Variants in SZT2 observed in about 807,000 individuals in gnomAD.
SZT2 encodes the protein KICSTOR complex protein SZT2.
In SZT2, 216 loss-of-function variants were observed where a neutral mutation model predicts 404.2. The ratio of observed to expected loss-of-function variants is 0.53; its 90% CI spans 0.48 to 0.60. SZT2 has a LOEUF of 0.60. Ranked by LOEUF, SZT2 falls within the 20% of genes least tolerant of loss-of-function variation. SZT2 has a pLI of 0.00. For synonymous variants in SZT2, 1,693 were observed against 1,749.9 expected (o/e 0.97, Z 0.81); for missense variants, 3,857 against 4,459.2 (o/e 0.86, Z 3.85).
chr1:43,430,507 G>T lies in SZT2; in HGVS notation c.4492G>T (p.Ala1498Ser). Residue 1498 changes from alanine (A) to serine (S), a missense_variant, in exon 32 of 72, where the codon GCC (alanine) becomes TCC (serine). Physicochemically the swap from Ala to Ser is moderately conservative, Grantham distance 99. Coordinates refer to ENST00000634258, the MANE Select transcript of SZT2 (RefSeq NM_001365999.1). ...ELMGEEGDTS[A>S]CCVVTESDPE... ...ACATGCACTACTAGGAGACACATCT[G>T]CCTGCTGTGTGGTCACTGAGAGTGA... 1 of 1,614,118 alleles carries T rather than the reference G, an allele frequency of 6.2e-7. No individual in the cohort carries two copies. Among genetic ancestry groups the T allele is most frequent in the East Asian group, 2.2e-5 (1 of 44,880 alleles).
At chr1:43,414,224 G>A (rs1651423982) in intron 4 of SZT2, among the ~76,000 whole-genome samples, 1 of 151,968 alleles carries the variant, frequency 6.6e-6, no homozygotes, top group Non-Finnish European at 1.5e-5. Context: ...AGGTTGCAGT[G>A]AGCCAAGATC....
At chr1:43,444,632 G>T (rs1655461024) in intron 62 of SZT2, among the ~76,000 whole-genome samples, 1 of 152,122 alleles carries the variant, frequency 6.6e-6, no homozygotes, top group South Asian at 2.1e-4. Flanking sequence ...GAAGTAGGCA[G>T]CCCGTCTGTT....
chr1:43,453,677 C>T lies in SZT2; in HGVS notation c.*3197C>T, dbSNP rs1264052648. The T allele has an allele frequency of 2.0e-6, 3 of 1,469,818 alleles. No individual in the cohort carries two copies. The highest frequency in any genetic ancestry group is 2.9e-5 in the East Asian group (1 of 34,274). The allele number at this position is 1,469,818 out of a possible 1,614,324, so 91.0% of individuals were successfully genotyped here. ...GCGCCTCAGGCGTCTCCGCGTACGG[C>T]CAGGCCACCTCGACGGCCTCGAAGC... On this transcript the variant is annotated 3_prime_UTR_variant, in exon 72 of 72. Transcript: ENST00000634258.
rs902575972 is a variant in SZT2 at position 43,424,405 on chromosome 1, T to C, written c.2444T>C (p.Ile815Thr). ...GLAPALPLSAIAQLLSILTEV... is the reference protein window; with the variant it reads ...GLAPALPLSATAQLLSILTEV... ...GCCCCTGCGCTGCCTCTCAGTGCCA[T>C]TGCCCAGCTCCTCTCCATCCTCACT... is the stretch of plus-strand genomic sequence containing the variant. The change falls in exon 16 of 72, where the codon ATT becomes ACT. Residue 815 changes from isoleucine (I) to threonine (T), a missense_variant. Transcript: ENST00000634258. The surrounding 1 kb of genome is among the most constrained non-coding windows in gnomAD (Gnocchi z 4.1). 1.9e-6 allele frequency: 3 copies of C among 1,597,826 alleles called. No homozygotes were observed. Among genetic ancestry groups the C allele is most frequent in the Non-Finnish European group, 2.5e-6 (3 of 1,179,580 alleles).
At position 43,424,292 on chromosome 1, in the gene SZT2, G is replaced by T. The variant is rs1373369270; in HGVS notation, c.2331G>T (p.Val777=). The change falls in exon 16 of 72, where the codon GTG becomes GTT. Residue 777 remains valine (V), a synonymous_variant. Coordinates refer to ENST00000634258, the MANE Select transcript of SZT2 (RefSeq NM_001365999.1). This position sits in a 1 kb window ranked among gnomAD's most constrained non-coding sequence, Gnocchi z 4.1. ...AGCCACCAGGTCCACTGCCCTTGGT[G>T]TCAGGCCGCTCAGCCTCTTCTAGCC... ...TLEPPGPLPL[V]SGRSASSSLA... 1 of 1,598,018 alleles carries T rather than the reference G, an allele frequency of 6.3e-7. No homozygotes were observed. The highest frequency in any genetic ancestry group is 1.1e-5 in the South Asian group (1 of 91,084).
intron 40 of SZT2, 126 bp from the exon 41 acceptor site, chr1:43,434,260 C>A: frequency 1.3e-6 from 1 of 777,724 alleles, no homozygotes. Context: ...TTTCTCTTGG[C>A]CCCACCTCCA....
At chr1:43,419,494 C>A (rs994561220) in intron 7 of SZT2, among the ~76,000 whole-genome samples, 1 of 152,104 alleles carries the variant, frequency 6.6e-6, no homozygotes, top group Non-Finnish European at 1.5e-5. Flanking sequence ...AGGTGGTGGG[C>A]CTTTAGGTAT....
chr1:43,403,199 TC>T lies in SZT2; in HGVS notation c.52del (p.Leu18CysfsTer2), dbSNP rs1225154176. On this transcript the variant is annotated frameshift_variant, in exon 2 of 72. Transcript: ENST00000634258. LOFTEE classifies it high-confidence loss of function. The part of the protein sequence containing the change: ...EPEVEEAGQV[F>X]LLMKKDYRIS... ...CAGGTGGAAGAAGCTGGGCAGGTGTTCCTGTTAATGAAAAAGGATTATCGAA... is the reference window on the plus strand; with the variant it reads ...CAGGTGGAAGAAGCTGGGCAGGTGTTCTGTTAATGAAAAAGGATTATCGAA... 1 of 1,614,072 alleles carries T rather than the reference TC, an allele frequency of 6.2e-7. No individual in the cohort carries two copies. Among genetic ancestry groups the T allele is most frequent in the African/African-American group, 1.3e-5 (1 of 74,908 alleles).
At chr1:43,416,829 T>G (rs1238946435) in intron 7 of SZT2, among the ~76,000 whole-genome samples, 188 bp downstream of exon 7, 1 of 152,210 alleles carries the variant, frequency 6.6e-6, no homozygotes, top group Non-Finnish European at 1.5e-5. Context: ...TCCTCTTTCC[T>G]TAGGATTTTG....
At chr1:43,445,603 C>T in intron 62 of SZT2, 1 of 466,470 alleles carries the variant, frequency 2.1e-6, no homozygotes, top group South Asian at 2.8e-5. Context: ...ATCACCTTCC[C>T]CCTTCTCTTT....
chr1:43,447,610 G>A lies in SZT2; in HGVS notation c.9352G>A (p.Ala3118Thr). 2.5e-6 allele frequency: 4 copies of A among 1,614,152 alleles called. No homozygotes were observed. The highest frequency in any genetic ancestry group is 3.4e-6 in the Non-Finnish European group (4 of 1,180,020). The change falls in exon 67 of 72, where the codon GCC becomes ACC. Residue 3118 changes from alanine (A) to threonine (T), a missense_variant. Ala to Thr is a moderately conservative substitution (Grantham distance 58). This residue lies in a region of SZT2 where 717 missense variants were observed against 868.2 expected (regional missense o/e 0.83). Transcript: ENST00000634258. Reference sequence around the variant, plus strand: ...GCTATACAACTACGTGGCTGATCACGCCAGCTCTTACCACATGAAGCCATT... The same window carrying A: ...GCTATACAACTACGTGGCTGATCACACCAGCTCTTACCACATGAAGCCATT... ...HQLYNYVADHASSYHMKPLRM... is the reference protein window; with the variant it reads ...HQLYNYVADHTSSYHMKPLRM...
Position 43,415,113 on chromosome 1 carries a change from C to G in SZT2, c.530C>G (p.Ser177Cys). ...GTACAGGGCTGCCTCTTGGACCCTTCCCAGCGGGAGGTGTTCCTGCAGCAG... is the reference window on the plus strand; with the variant it reads ...GTACAGGGCTGCCTCTTGGACCCTTGCCAGCGGGAGGTGTTCCTGCAGCAG... ...VLVQGCLLDP[S>C]QREVFLQQIY... is the part of the protein sequence containing the mutation. Residue 177 changes from serine (S) to cysteine (C), a missense_variant, in exon 5 of 72, where the codon TCC becomes TGC. Physicochemically the swap from Ser to Cys is moderately radical, Grantham distance 112. Around this residue, in one of 7 missense-constraint regions of SZT2, gnomAD observed 536 missense variants for 637.4 expected, o/e 0.84. Coordinates refer to ENST00000634258, the MANE Select transcript of SZT2 (RefSeq NM_001365999.1). 6.3e-7 allele frequency: 1 copy of G among 1,598,100 alleles called. No individual in the cohort carries two copies. Among genetic ancestry groups the G allele is most frequent in the Non-Finnish European group, 8.5e-7 (1 of 1,179,584 alleles).
At position 43,450,115 on chromosome 1, in the gene SZT2, C is replaced by G; in HGVS notation, c.10099C>G (p.Gln3367Glu). Residue 3367 changes from glutamine (Q) to glutamate (E), a missense_variant, in exon 71 of 72, where the codon CAG becomes GAG. Gln to Glu is a conservative substitution (Grantham distance 29). Transcript: ENST00000634258. This position sits in a 1 kb window ranked among gnomAD's most constrained non-coding sequence, Gnocchi z 4.3. ...TCTTTCACTGCAGGTTGTGCTGAAT[C>G]AGAAGTTCACTGACTGCTTTGTGCT... ...LGTQYLVVLN[Q>E]KFTDCFVLVF... 1 of 1,614,110 alleles carries G rather than the reference C, an allele frequency of 6.2e-7. No homozygotes were observed. The highest frequency in any genetic ancestry group is 8.5e-7 in the Non-Finnish European group (1 of 1,179,974).
chr1:43,446,433 C>CG lies in SZT2; in HGVS notation c.9072+20dup, dbSNP rs778186916. On this transcript the variant is annotated intron_variant, in intron 65 of 71. Transcript: ENST00000634258. ...AACTCACAGGTATGTGAATGAGCTGCGGGCACAGTCAGTGCACCCCAGTGT... is the reference window on the plus strand; with the variant it reads ...AACTCACAGGTATGTGAATGAGCTGCGGGGCACAGTCAGTGCACCCCAGTGT... 15 of 1,614,162 alleles carry CG rather than the reference C, an allele frequency of 9.3e-6. No homozygotes were observed. Among genetic ancestry groups the CG allele is most frequent in the Non-Finnish European group, 1.3e-5 (15 of 1,179,970 alleles).
Position 43,447,686 on chromosome 1 carries a change from C to T in SZT2, c.9428C>T (p.Ser3143Leu), listed in dbSNP as rs1206214229. 9 of 1,613,812 alleles carry T rather than the reference C, an allele frequency of 5.6e-6. No individual in the cohort carries two copies. Among genetic ancestry groups the T allele is most frequent in the South Asian group, 4.4e-5 (4 of 91,008 alleles). The change falls in exon 67 of 72, where the codon TCG becomes TTG. Residue 3143 changes from serine to leucine, a missense_variant. Physicochemically the swap from Ser to Leu is moderately radical, Grantham distance 145. Coordinates refer to ENST00000634258, the MANE Select transcript of SZT2 (RefSeq NM_001365999.1). Reference protein sequence around the residue: ...GPEHNEYALVSAWHSSGSYLD... With the variant: ...GPEHNEYALVLAWHSSGSYLD... ...GAACACAACGAGTATGCCCTGGTGT[C>T]GGCATGGCACAGGTAAGGCTGAGAG...
rs762386764 is a variant in SZT2 at position 43,425,103 on chromosome 1, T to A, written c.2551-10T>A. 6.2e-7 allele frequency: 1 copy of A among 1,614,188 alleles called. No individual in the cohort carries two copies. Among genetic ancestry groups the A allele is most frequent in the Non-Finnish European group, 8.5e-7 (1 of 1,180,004 alleles). ...TGGGATTTGCCCAAGATCTCCCATT[T>A]TGCCCACAGAATGAACCACCAGGGC... On this transcript the variant is annotated splice_polypyrimidine_tract_variant and intron_variant, in intron 17 of 71. Coordinates refer to ENST00000634258, the MANE Select transcript of SZT2 (RefSeq NM_001365999.1). The surrounding 1 kb of genome is among the most constrained non-coding windows in gnomAD (Gnocchi z 4.3).
In SZT2 at chr1:43,452,602, A is replaced by G. The variant is rs930329715; in HGVS notation, c.*2122A>G. The G allele has an allele frequency of 9.7e-5, 58 of 597,836 alleles. 1 individual carries two copies. In the South Asian group the frequency reaches 1.1e-3, roughly 12 times the overall value. 37.0% of individuals were successfully genotyped at this position (597,836 alleles called of 1,614,324 possible). A position where few individuals can be genotyped will look rare whatever the true frequency, so the allele number is the denominator to read the frequency against. ...CTTCTCCGCAACCTGTAACCTGCTA[A>G]ATTCTCACCTTTAAAAATTGTCCTG... is the stretch of plus-strand genomic sequence containing the variant. On this transcript the variant is annotated 3_prime_UTR_variant, in exon 72 of 72. Coordinates refer to ENST00000634258, the MANE Select transcript of SZT2 (RefSeq NM_001365999.1).
At position 43,452,153 on chromosome 1, in the gene SZT2, T is replaced by G; in HGVS notation, c.*1673T>G. ...GCTGTCCCCACTGTGCACCCCCTTC[T>G]CCGCACACCCACAGAGACATGTAAG... is the stretch of plus-strand genomic sequence containing the variant. On this transcript the variant is annotated 3_prime_UTR_variant, in exon 72 of 72. Coordinates refer to ENST00000634258, the MANE Select transcript of SZT2 (RefSeq NM_001365999.1). The G allele has an allele frequency of 6.5e-7, 1 of 1,531,564 alleles. No individual in the cohort carries two copies. The highest frequency in any genetic ancestry group is 9.0e-7 in the Non-Finnish European group (1 of 1,113,226). 94.9% of individuals were successfully genotyped at this position (1,531,564 alleles called of 1,614,324 possible). A position where few individuals can be genotyped will look rare whatever the true frequency, so the allele number is the denominator to read the frequency against.
Position 43,453,756 on chromosome 1 carries a change from A to C in SZT2, c.*3276A>C. ...GGGGAGGCCGGAGAGCTCGGGGAAT[A>C]GCCAGGACAGATTGGCGGAGAAGCG... On this transcript the variant is annotated 3_prime_UTR_variant, in exon 72 of 72. Coordinates refer to ENST00000634258, the MANE Select transcript of SZT2 (RefSeq NM_001365999.1). 7.6e-7 allele frequency: 1 copy of C among 1,323,956 alleles called. No individual in the cohort carries two copies. Among genetic ancestry groups the C allele is most frequent in the Non-Finnish European group, 9.6e-7 (1 of 1,043,976 alleles). The allele number at this position is 1,323,956 out of a possible 1,614,324, so 82.0% of individuals were successfully genotyped here.
Sources: allele counts gnomAD v4.1 joint callset (sites outside exome capture counted in the v4.1 genomes callset), GRCh38; gene constraint gnomAD v4.1.1; regional missense constraint gnomAD v4.1.1; non-coding constraint Gnocchi (gnomAD v3.1); transcripts MANE v1.5; gene names NCBI Gene and HGNC (gene_info 2026-07-23, HGNC 2026-07-21).